SMOC1: variants seen among roughly 807,000 people sequenced by gnomAD.
The protein encoded by SMOC1 is SPARC-related modular calcium-binding protein 1.
In SMOC1, 22 loss-of-function variants were observed where a neutral mutation model predicts 56.3. That is an observed-to-expected ratio of 0.39 (90% CI 0.28 to 0.56). SMOC1 has a LOEUF of 0.56. Ranked by LOEUF, SMOC1 falls within the 20% of genes least tolerant of loss-of-function variation. SMOC1 has a pLI of 0.61. For synonymous variants in SMOC1, 193 were observed against 215.0 expected, an observed-to-expected ratio of 0.90 and a Z score of 0.89; for missense variants, 509 against 565.4, an observed-to-expected ratio of 0.90 and a Z score of 1.01.
intron 3 of SMOC1, among the ~76,000 whole-genome samples, chr14:69,962,585 C>CT (rs938612911): frequency 1.6e-4 from 24 of 148,516 alleles, no homozygotes; most frequent in Admixed American, 6.0e-4. Context: ...CTTTTCTTTT[C>CT]TTTTTTTTTG....
chr14:69,982,180 T>A, intron 5 of SMOC1, among the ~76,000 whole-genome samples: 1 of 152,140 alleles, frequency 6.6e-6, no homozygotes, highest in East Asian at 1.9e-4. Context: ...AGTTAGTTGT[T>A]TAAGGAAAGC....
At chr14:69,939,368 C>A (rs1242136195) in intron 1 of SMOC1, among the ~76,000 whole-genome samples, 1 of 152,198 alleles carries the variant, frequency 6.6e-6, no homozygotes, top group Non-Finnish European at 1.5e-5. Flanking sequence ...ATCATGAGAA[C>A]AGCATGGGAA....
chr14:69,953,677 C>A, intron 3 of SMOC1, 145 bp downstream of exon 3: 1 of 742,560 alleles, frequency 1.3e-6, no homozygotes, highest in Non-Finnish European at 2.4e-6. Context: ...GTGCTGCCTT[C>A]CCCCTCTCTG....
At chr14:70,000,976 A>G (rs1471591059) in intron 7 of SMOC1, among the ~76,000 whole-genome samples, 1 of 152,096 alleles carries the variant, frequency 6.6e-6, no homozygotes, top group African/African-American at 2.4e-5. Context: ...GAGACATAGC[A>G]GGTTAGGTGT....
chr14:69,929,019 C>A (rs866849422), intron 1 of SMOC1, among the ~76,000 whole-genome samples: 1 of 152,162 alleles, frequency 6.6e-6, no homozygotes, highest in African/African-American at 2.4e-5. Flanking sequence ...GGGTCCTGAT[C>A]CCTCAGGAAG....
intron 1 of SMOC1, among the ~76,000 whole-genome samples, chr14:69,900,002 G>C (rs958653131): frequency 6.6e-6 from 1 of 152,182 alleles, no homozygotes; most frequent in Non-Finnish European, 1.5e-5. Context: ...CTTGTTGTTA[G>C]GATGGACTGG....
intron 4 of SMOC1, among the ~76,000 whole-genome samples, chr14:69,976,890 GA>G (rs1366232479): frequency 3.9e-5 from 6 of 152,190 alleles, no homozygotes; most frequent in African/African-American, 1.4e-4. Context: ...GAAGGAAAAA[GA>G]AAGTGGAAAG....
intron 1 of SMOC1, among the ~76,000 whole-genome samples, chr14:69,891,484 G>A (rs761148678): frequency 6.6e-6 from 1 of 152,204 alleles, no homozygotes; most frequent in Non-Finnish European, 1.5e-5. Flanking sequence ...GCATGAAGCT[G>A]AGCATGACTT....
chr14:69,890,702 C>A (rs1025753869), intron 1 of SMOC1, among the ~76,000 whole-genome samples: 1 of 152,186 alleles, frequency 6.6e-6, no homozygotes, highest in African/African-American at 2.4e-5. Context: ...TCATTTTCAG[C>A]ATACTTTGAG....
intron 1 of SMOC1, among the ~76,000 whole-genome samples, chr14:69,950,440 CACA>C (rs1414875023): frequency 6.6e-6 from 1 of 152,252 alleles, no homozygotes; most frequent in Non-Finnish European, 1.5e-5. Flanking sequence ...ATTTGCTTCA[CACA>C]AAGGGCCCAC....
chr14:69,940,761 C>G (rs1184020441), intron 1 of SMOC1, among the ~76,000 whole-genome samples: 1 of 151,524 alleles, frequency 6.6e-6, no homozygotes, highest in East Asian at 1.9e-4. Flanking sequence ...TCCCTCAATG[C>G]TAGTGGGCTG....
intron 3 of SMOC1, among the ~76,000 whole-genome samples, chr14:69,969,522 C>A (rs1290967139): frequency 6.6e-6 from 1 of 152,046 alleles, no homozygotes; most frequent in Non-Finnish European, 1.5e-5. Flanking sequence ...AAGAACTCAC[C>A]CGCTGTCGTG....
At chr14:69,979,368 C>T (rs934827046) in intron 5 of SMOC1, among the ~76,000 whole-genome samples, 2 of 152,140 alleles carry the variant, frequency 1.3e-5, no homozygotes, top group Non-Finnish European at 2.9e-5. Flanking sequence ...GCCAGATGGG[C>T]TACTGCTCTT....
At chr14:69,917,378 G>A (rs1386547319) in intron 1 of SMOC1, among the ~76,000 whole-genome samples, 1 of 152,200 alleles carries the variant, frequency 6.6e-6, no homozygotes, top group Non-Finnish European at 1.5e-5. Context: ...TAGTGCACAT[G>A]GGCCATTGTG....
intron 3 of SMOC1, among the ~76,000 whole-genome samples, chr14:69,968,225 A>AG (rs979453693): frequency 6.6e-6 from 1 of 152,222 alleles, no homozygotes; most frequent in African/African-American, 2.4e-5. Context: ...TGGCTCATGA[A>AG]GTGTGGTCCC....
intron 3 of SMOC1, among the ~76,000 whole-genome samples, chr14:69,957,221 C>A (rs1883220085): frequency 6.6e-6 from 1 of 152,234 alleles, no homozygotes; most frequent in African/African-American, 2.4e-5. Flanking sequence ...CTGTCACCAT[C>A]AGGCTGTGTT....
chr14:69,948,687 G>A lies in SMOC1; in HGVS notation c.100-3451G>A, dbSNP rs192231963. On this transcript the variant is annotated intron_variant, in intron 1 of 11. Coordinates refer to ENST00000361956, the MANE Select transcript of SMOC1 (RefSeq NM_001034852.3). ...CTTCCTCTCCCTCTTTTTTCTGTGT[G>A]TTCTCTTAAACCACGCCCCCCTTCA... Among the ~76,000 whole-genome samples, 22 of 152,242 alleles carry A rather than the reference G, an allele frequency of 1.4e-4. No individual in the cohort carries two copies. The East Asian group carries it at 3.1e-3, about 21-fold the overall frequency.
chr14:69,886,010 T>C (rs933571037), intron 1 of SMOC1: 128 of 1,586,044 alleles, frequency 8.1e-5, no homozygotes, highest in Non-Finnish European at 1.1e-4. Context: ...GGGCTGGATG[T>C]CCTGTCCAAT....
At chr14:69,900,266 AG>A (rs1884207926) in intron 1 of SMOC1, among the ~76,000 whole-genome samples, 1 of 152,202 alleles carries the variant, frequency 6.6e-6, no homozygotes. Context: ...GGCTGAGGGT[AG>A]GGAGTGTGTG....
Sources: allele counts gnomAD v4.1 joint callset (sites outside exome capture counted in the v4.1 genomes callset), GRCh38; gene constraint gnomAD v4.1.1; transcripts MANE v1.5; gene names NCBI Gene and HGNC (gene_info 2026-07-23, HGNC 2026-07-21).